L3MBTL4: variants seen among roughly 807,000 people sequenced by gnomAD.
L3MBTL4 encodes the protein L3MBTL histone methyl-lysine binding protein 4, also known as lethal(3)malignant brain tumor-like protein 4.
In L3MBTL4, 70 loss-of-function variants were observed where a neutral mutation model predicts 84.5. The ratio of observed to expected loss-of-function variants is 0.83; its 90% CI spans 0.68 to 1.01. The LOEUF (loss-of-function observed/expected upper bound fraction) is 1.01, where lower values mean the gene tolerates loss of function less well. L3MBTL4 is among the 50% of genes least tolerant of loss of function. The pLI is 0.00. For missense variants in L3MBTL4, 715 were observed against 754.8 expected, an observed-to-expected ratio of 0.95 and a Z score of 0.62; for synonymous variants, 274 against 259.8, an observed-to-expected ratio of 1.05 and a Z score of -0.52.
intron 14 of L3MBTL4, among the ~76,000 whole-genome samples, chr18:6,133,231 T>C (rs1472254173): frequency 6.6e-6 from 1 of 151,908 alleles, no homozygotes; most frequent in Non-Finnish European, 1.5e-5. Flanking sequence ...CAGTAGCCAC[T>C]AGTCACAAGG....
At chr18:6,023,961 AACCT>A (rs1360795151) in intron 16 of L3MBTL4, among the ~76,000 whole-genome samples, 5 of 152,186 alleles carry the variant, frequency 3.3e-5, no homozygotes, top group African/African-American at 4.8e-5. Flanking sequence ...TCCTTTAAAA[AACCT>A]ACCTGTGTGA....
chr18:6,036,316 A>C (rs954801754), intron 16 of L3MBTL4, among the ~76,000 whole-genome samples: 2 of 152,098 alleles, frequency 1.3e-5, no homozygotes, highest in African/African-American at 4.8e-5. Flanking sequence ...GCATAAGCTG[A>C]ATCTCAGACT....
intron 13 of L3MBTL4, among the ~76,000 whole-genome samples, chr18:6,141,762 A>G (rs2060202247): frequency 6.6e-6 from 1 of 152,030 alleles, no homozygotes; most frequent in Non-Finnish European, 1.5e-5. Flanking sequence ...GCCATTCTTC[A>G]CTCTTCCTAA....
chr18:6,412,994 G>A (rs2056033201), intron 1 of L3MBTL4, among the ~76,000 whole-genome samples: 3 of 152,094 alleles, frequency 2.0e-5, no homozygotes, highest in Admixed American at 6.6e-5. Flanking sequence ...AGGCTGAGGC[G>A]GGATCCTTTG....
At chr18:6,150,118 T>C (rs369697654) in intron 13 of L3MBTL4, among the ~76,000 whole-genome samples, 5 of 152,334 alleles carry the variant, frequency 3.3e-5, no homozygotes, top group African/African-American at 1.2e-4. Flanking sequence ...TCTAGTTTCA[T>C]TGATGGTGTC....
chr18:6,324,300 G>A (rs1045917237), intron 1 of L3MBTL4, among the ~76,000 whole-genome samples: 1 of 152,212 alleles, frequency 6.6e-6, no homozygotes, highest in Non-Finnish European at 1.5e-5. Flanking sequence ...GTCTCACAGA[G>A]TACTCACTGG....
chr18:6,398,378 C>T (rs1568605700), intron 1 of L3MBTL4, among the ~76,000 whole-genome samples: 1 of 152,124 alleles, frequency 6.6e-6, no homozygotes, highest in Non-Finnish European at 1.5e-5. Flanking sequence ...CCCTCATCTG[C>T]AGGTGGAGGT....
intron 1 of L3MBTL4, among the ~76,000 whole-genome samples, chr18:6,384,392 G>T (rs896918997): frequency 1.3e-5 from 2 of 152,066 alleles, no homozygotes; most frequent in African/African-American, 4.8e-5. Flanking sequence ...TGAAAAGAAA[G>T]GCACAAAGTG....
intron 14 of L3MBTL4, among the ~76,000 whole-genome samples, chr18:6,119,184 C>T (rs1383696602): frequency 7.3e-6 from 1 of 136,456 alleles, no homozygotes; most frequent in Non-Finnish European, 1.5e-5. Context: ...TTATTTGCCA[C>T]CAGCTGCTGA....
At chr18:6,270,871 T>C (rs190318155) in intron 4 of L3MBTL4, among the ~76,000 whole-genome samples, 282 of 152,236 alleles carry the variant, frequency 1.9e-3, no homozygotes, top group Non-Finnish European at 3.3e-3. Flanking sequence ...TTTCGAGTGG[T>C]AGGTGATATC....
At chr18:6,196,997 G>T (rs1365884193) in intron 12 of L3MBTL4, among the ~76,000 whole-genome samples, 1 of 152,200 alleles carries the variant, frequency 6.6e-6, no homozygotes. Context: ...AAAAGGCAAG[G>T]CCAAGCAGGG....
At chr18:6,114,538 A>G (rs1329282576) in intron 14 of L3MBTL4, among the ~76,000 whole-genome samples, 1 of 152,200 alleles carries the variant, frequency 6.6e-6, no homozygotes, top group Non-Finnish European at 1.5e-5. Context: ...CATTTCTTGT[A>G]GATTCTGTCA....
At chr18:6,135,640 T>C (rs963933229) in intron 14 of L3MBTL4, among the ~76,000 whole-genome samples, 1 of 152,200 alleles carries the variant, frequency 6.6e-6, no homozygotes, top group African/African-American at 2.4e-5. Flanking sequence ...GAGTCACCTT[T>C]GCTCCAGTTC....
At chr18:5,958,145 G>GAAGAAGAAGAAGAAC (rs1567912151) in intron 18 of L3MBTL4, among the ~76,000 whole-genome samples, 3 of 71,038 alleles carry the variant, frequency 4.2e-5, no homozygotes, top group African/African-American at 1.0e-4. Flanking sequence ...AGAAGAAGAA[G>GAAGAAGAAGAAGAAC]AAGAAGAAGA....
At chr18:5,965,319 A>T (rs546062354) in intron 17 of L3MBTL4, among the ~76,000 whole-genome samples, 2 of 152,340 alleles carry the variant, frequency 1.3e-5, no homozygotes, top group Non-Finnish European at 2.9e-5. Context: ...AGGTGGCATA[A>T]GCACAGCAGA....
At chr18:6,222,285 T>C (rs1246165719) in intron 10 of L3MBTL4, among the ~76,000 whole-genome samples, 1 of 152,236 alleles carries the variant, frequency 6.6e-6, no homozygotes, top group Non-Finnish European at 1.5e-5. Context: ...AATTCTTTGA[T>C]CTACAGTATG....
At chr18:6,112,176 C>G (rs562525887) in intron 14 of L3MBTL4, among the ~76,000 whole-genome samples, 1 of 152,286 alleles carries the variant, frequency 6.6e-6, no homozygotes, top group South Asian at 2.1e-4. Context: ...CGCACACACA[C>G]ACGCACACAC....
chr18:6,171,875 G>C lies in L3MBTL4; in HGVS notation c.1049C>G (p.Pro350Arg). 2 of 1,555,354 alleles carry C rather than the reference G, an allele frequency of 1.3e-6. No homozygotes were observed. Among genetic ancestry groups the C allele is most frequent in the Non-Finnish European group, 1.7e-6 (2 of 1,148,334 alleles). ...CCCTGTGACATCACACCATCCGATCGGGTGGATATCAGGGCTGTCTGCCTC... is the reference window on the plus strand; with the variant it reads ...CCCTGTGACATCACACCATCCGATCCGGTGGATATCAGGGCTGTCTGCCTC... ...WVEADSPDIH[P>R]IGWCDVTGHP... The change falls in exon 13 of 19, where the codon CCG becomes CGG. Residue 350 changes from proline (P) to arginine (R), a missense_variant. Coordinates refer to ENST00000317931, the MANE Select transcript of L3MBTL4 (RefSeq NM_001330559.2).
intron 13 of L3MBTL4, among the ~76,000 whole-genome samples, chr18:6,142,617 T>C (rs185357437): frequency 2.0e-5 from 3 of 152,048 alleles, no homozygotes; most frequent in African/African-American, 7.2e-5. Context: ...TCAGAGGAAG[T>C]GATGTTTGAA....
Sources: gnomAD v4.1 joint callset for allele counts (sites outside exome capture counted in the v4.1 genomes callset) on GRCh38, gnomAD v4.1.1 for gene constraint, MANE v1.5 for transcripts, NCBI Gene and HGNC (gene_info 2026-07-23, HGNC 2026-07-21) for gene names.